Variants in MRPS27 observed in about 807,000 individuals in gnomAD.
MRPS27 encodes mitochondrial ribosomal protein S27.
Under a neutral mutation model 48.9 loss-of-function variants are expected in MRPS27, and 43 were observed. The observed-to-expected ratio is 0.88, with a 90% confidence interval of 0.69 to 1.13. MRPS27 has a LOEUF of 1.13. Among genes scored for constraint, MRPS27 ranks in the 50% most tolerant of loss-of-function variants. MRPS27 has a pLI of 0.00. For synonymous variants in MRPS27, 188 were observed against 171.9 expected (o/e 1.09, Z -0.73); for missense variants, 467 against 476.3 (o/e 0.98, Z 0.18).
At chr5:72,317,125 A>T (rs1325350585) in intron 1 of MRPS27, among the ~76,000 whole-genome samples, 1 of 152,056 alleles carries the variant, frequency 6.6e-6, no homozygotes, top group Non-Finnish European at 1.5e-5. Context: ...ATGGGGGCTG[A>T]TTAAACACAG....
intron 4 of MRPS27, among the ~76,000 whole-genome samples, chr5:72,243,541 A>G (rs967155938): frequency 1.3e-5 from 2 of 152,216 alleles, no homozygotes; most frequent in African/African-American, 2.4e-5. Flanking sequence ...CAGTATTATA[A>G]GTTAAAATTT....
At chr5:72,308,928 G>A (rs571347457) in intron 2 of MRPS27, among the ~76,000 whole-genome samples, 21 of 152,308 alleles carry the variant, frequency 1.4e-4, no homozygotes, top group Admixed American at 1.2e-3. Context: ...GTCAGACGGA[G>A]AGGCAGGCAT....
At chr5:72,274,295 A>C (rs1026676013) in intron 4 of MRPS27, among the ~76,000 whole-genome samples, 1 of 152,246 alleles carries the variant, frequency 6.6e-6, no homozygotes, top group Admixed American at 6.5e-5. Context: ...CAGAGGTTGC[A>C]GTGAGCAGAG....
intron 4 of MRPS27, among the ~76,000 whole-genome samples, chr5:72,262,138 C>T (rs1003751069): frequency 1.3e-5 from 2 of 152,130 alleles, no homozygotes; most frequent in African/African-American, 4.8e-5. Flanking sequence ...AAAATTTGGC[C>T]TTTAACTCTC....
intron 4 of MRPS27, 142 bp downstream of exon 4, chr5:72,295,389 A>G: frequency 1.7e-6 from 1 of 586,816 alleles, no homozygotes; most frequent in Non-Finnish European, 3.0e-6. Context: ...AAAAATCAGA[A>G]ACTCTCTCTA....
chr5:72,284,118 A>G (rs1749603189), intron 4 of MRPS27, among the ~76,000 whole-genome samples: 1 of 152,156 alleles, frequency 6.6e-6, no homozygotes, highest in African/African-American at 2.4e-5. Flanking sequence ...ATCTTTTAAA[A>G]AATATTTTTT....
rs1384128276 is a variant in MRPS27, at chr5:72,272,989, ACT to A, written c.281+22540_281+22541del. 3.9e-5 allele frequency among the ~76,000 whole-genome samples: 6 copies of A among 152,162 alleles called. 1 individual carries two copies. Among genetic ancestry groups the A allele is most frequent in the African/African-American group, 1.4e-4 (6 of 41,512 alleles). ...ATTTTCTATAATAAAAATAAGGCAA[ACT>A]CATTCTAAAACTGTGTATCTTGTGA... On this transcript the variant is annotated intron_variant, in intron 4 of 10. Transcript: ENST00000261413.
intron 4 of MRPS27, among the ~76,000 whole-genome samples, chr5:72,290,154 C>T (rs1002048598): frequency 2.0e-4 from 31 of 152,242 alleles, no homozygotes; most frequent in African/African-American, 7.2e-4. Context: ...CCCCAAGGTT[C>T]ACTTGTCTGC....
rs190848527 is a variant in MRPS27, at chr5:72,252,383, C to T, written c.282-14255G>A. On this transcript the variant is annotated intron_variant, in intron 4 of 10. Transcript: ENST00000261413. Reference sequence around the variant, plus strand: ...AAAGGAAAATCATACTGAAGGAAGGCTTCTTTTGCCCTGATCAGTTTGTGA... The same window carrying T: ...AAAGGAAAATCATACTGAAGGAAGGTTTCTTTTGCCCTGATCAGTTTGTGA... Among the ~76,000 whole-genome samples, 565 of 152,194 alleles carry T rather than the reference C, an allele frequency of 3.7e-3. 1 individual carries two copies. The highest frequency in any genetic ancestry group is 0.013 in the African/African-American group (549 of 41,530).
intron 4 of MRPS27, 33 bp from the exon 5 acceptor site, chr5:72,238,161 T>A: frequency 7.0e-7 from 1 of 1,433,486 alleles, no homozygotes; most frequent in Non-Finnish European, 9.8e-7. Flanking sequence ...AAAACTGGTG[T>A]TAACTCTTAT....
At chr5:72,244,875 C>A (rs1011088780) in intron 4 of MRPS27, among the ~76,000 whole-genome samples, 10 of 132,866 alleles carry the variant, frequency 7.5e-5, no homozygotes, top group Admixed American at 7.0e-4. Context: ...CTGCTGCTCT[C>A]TCTCTCTCTC....
intron 4 of MRPS27, among the ~76,000 whole-genome samples, chr5:72,290,349 G>T (rs1749786664): frequency 6.6e-6 from 1 of 152,202 alleles, no homozygotes; most frequent in African/African-American, 2.4e-5. Flanking sequence ...TTTAAAAGGG[G>T]ATCTCTTATA....
Position 72,234,200 on chromosome 5 carries a change from A to G in MRPS27, c.397-3T>C. Reference sequence around the variant, plus strand: ...TCTGGAAAAATTCCATATTGAACCTATAATGAAAATGAACATAACAGGAAA... The same window carrying G: ...TCTGGAAAAATTCCATATTGAACCTGTAATGAAAATGAACATAACAGGAAA... On this transcript the variant is annotated splice_polypyrimidine_tract_variant and splice_region_variant and intron_variant, in intron 5 of 10. Transcript: ENST00000261413. 1 of 1,487,202 alleles carries G rather than the reference A, an allele frequency of 6.7e-7. No individual in the cohort carries two copies. The highest frequency in any genetic ancestry group is 8.9e-7 in the Non-Finnish European group (1 of 1,119,238). 92.1% of individuals were successfully genotyped at this position (1,487,202 alleles called of 1,614,324 possible).
intron 4 of MRPS27, among the ~76,000 whole-genome samples, chr5:72,264,898 A>C (rs1749070535): frequency 6.6e-6 from 1 of 152,216 alleles, no homozygotes; most frequent in Non-Finnish European, 1.5e-5. Context: ...AAACTAAAAA[A>C]TAATGGAAAA....
intron 3 of MRPS27, 126 bp downstream of exon 3, chr5:72,297,506 C>A: frequency 1.7e-6 from 1 of 588,492 alleles, no homozygotes; most frequent in Non-Finnish European, 2.9e-6. Context: ...ACTATAAAAA[C>A]TTACCATACT....
chr5:72,304,658 A>G (rs1297318235), intron 2 of MRPS27, among the ~76,000 whole-genome samples: 1 of 152,238 alleles, frequency 6.6e-6, no homozygotes, highest in African/African-American at 2.4e-5. Context: ...GCTTCACAGT[A>G]CATAACCACA....
intron 1 of MRPS27, among the ~76,000 whole-genome samples, chr5:72,318,933 A>C (rs898301170): frequency 6.6e-6 from 1 of 152,234 alleles, no homozygotes; most frequent in Non-Finnish European, 1.5e-5. Flanking sequence ...AGCGTTGTGC[A>C]TAACACTGCC....
At chr5:72,303,695 A>C (rs1397937553) in intron 2 of MRPS27, among the ~76,000 whole-genome samples, 1 of 152,076 alleles carries the variant, frequency 6.6e-6, no homozygotes, top group African/African-American at 2.4e-5. Flanking sequence ...AAATGTTCAA[A>C]ATGTTGCAAG....
chr5:72,267,357 A>G (rs1166310546), intron 4 of MRPS27, among the ~76,000 whole-genome samples: 1 of 152,232 alleles, frequency 6.6e-6, no homozygotes, highest in East Asian at 1.9e-4. Flanking sequence ...ATACACAGTC[A>G]GGATTTTAAA....
Sources: gnomAD v4.1 joint callset for allele counts (sites outside exome capture counted in the v4.1 genomes callset) on GRCh38, gnomAD v4.1.1 for gene constraint, MANE v1.5 for transcripts, NCBI Gene and HGNC (gene_info 2026-07-23, HGNC 2026-07-21) for gene names.